The following SLC22A24 variants were observed in gnomAD, a reference collection of about 807,000 sequenced individuals.
SLC22A24 encodes steroid transmembrane transporter SLC22A24.
SLC22A24 carries 53 observed loss-of-function variants against 49.8 expected under a neutral mutation model. The observed-to-expected ratio is 1.06, with a 90% CI of 0.85 to 1.34. The LOEUF is 1.34. SLC22A24 is among the 40% of genes most tolerant of loss of function. The probability of loss-of-function intolerance (pLI) is 0.00; values close to 1 mark genes in which losing one functional copy is unlikely to be tolerated. For missense variants in SLC22A24, 786 were observed against 675.9 expected, an observed-to-expected ratio of 1.16 and a Z score of -1.81; for synonymous variants, 302 against 256.4, an observed-to-expected ratio of 1.18 and a Z score of -1.70.
In SLC22A24 at chr11:63,133,489, A is replaced by G. The variant is rs1241123958; in HGVS notation, c.506+1176T>C. Among the ~76,000 whole-genome samples, 4 of 152,178 alleles carry G rather than the reference A, an allele frequency of 2.6e-5. No homozygotes were observed. In the East Asian group the frequency reaches 5.8e-4, roughly 22 times the overall value. ...ATTTTTAAATAAAGACTGTCAGATG[A>G]CATTGAGCATCTAAACTCTCCTCAG... is the stretch of plus-strand genomic sequence containing the variant. On this transcript the variant is annotated intron_variant, in intron 2 of 9. Coordinates refer to ENST00000612278, the MANE Select transcript of SLC22A24 (RefSeq NM_001136506.2).
chr11:63,085,704 C>A (rs2086983372), intron 6 of SLC22A24, among the ~76,000 whole-genome samples: 1 of 152,156 alleles, frequency 6.6e-6, no homozygotes, highest in South Asian at 2.1e-4. Flanking sequence ...AACACATAGC[C>A]CAGTGCCTTC....
chr11:63,085,377 A>G (rs2086981526), intron 6 of SLC22A24, among the ~76,000 whole-genome samples: 1 of 152,144 alleles, frequency 6.6e-6, no homozygotes, highest in African/African-American at 2.4e-5. Flanking sequence ...GTCTTTCTTA[A>G]TGTGGGTAAT....
At chr11:63,135,013 A>G (rs1221507149) in intron 1 of SLC22A24, among the ~76,000 whole-genome samples, 1 of 152,144 alleles carries the variant, frequency 6.6e-6, no homozygotes, top group Non-Finnish European at 1.5e-5. Flanking sequence ...ATATATATCC[A>G]CATGTCTACA....
At chr11:63,120,874 AG>A (rs1289701599) in intron 2 of SLC22A24, among the ~76,000 whole-genome samples, 1 of 152,190 alleles carries the variant, frequency 6.6e-6, no homozygotes, top group East Asian at 1.9e-4. Context: ...CTTTAAAAAA[AG>A]ATCTATGATA....
rs1030834066 is a variant in SLC22A24 at position 63,101,307 on chromosome 11, G to GT, written c.954+2867dup. On this transcript the variant is annotated intron_variant, in intron 5 of 9. Transcript: ENST00000612278. Reference sequence around the variant, plus strand: ...ATATGATCCAGCAATGTTACTACTTGTTTTTTTTTTAAATTACACTAGGTA... The same window carrying GT: ...ATATGATCCAGCAATGTTACTACTTGTTTTTTTTTTTAAATTACACTAGGTA... 2.0e-3 allele frequency among the ~76,000 whole-genome samples: 295 copies of GT among 148,378 alleles called. 2 individuals are homozygous for GT. The East Asian group carries it at 0.029, about 15-fold the overall frequency.
At chr11:63,103,841 A>G (rs1388803191) in intron 5 of SLC22A24, among the ~76,000 whole-genome samples, 1 of 152,198 alleles carries the variant, frequency 6.6e-6, no homozygotes, top group Non-Finnish European at 1.5e-5. Flanking sequence ...AATTTATTTT[A>G]TTGGCTTTCT....
chr11:63,140,015 CT>C (rs1287986745), intron 1 of SLC22A24, among the ~76,000 whole-genome samples: 3 of 149,508 alleles, frequency 2.0e-5, no homozygotes, highest in Non-Finnish European at 4.4e-5. Flanking sequence ...ACTTTAATGA[CT>C]TTTTGTTCAC....
intron 6 of SLC22A24, among the ~76,000 whole-genome samples, chr11:63,095,087 T>A (rs1394396480): frequency 6.6e-6 from 1 of 152,202 alleles, no homozygotes; most frequent in African/African-American, 2.4e-5. Context: ...AATGCCTAGG[T>A]TTTCTTCTAG....
intron 2 of SLC22A24, among the ~76,000 whole-genome samples, chr11:63,133,567 A>C: frequency 6.6e-6 from 1 of 152,170 alleles, no homozygotes; most frequent in Non-Finnish European, 1.5e-5. Context: ...TGCCTCCTTC[A>C]GAAGGAGCTC....
At position 63,097,507 on chromosome 11, in the gene SLC22A24, G is replaced by T. The variant is rs182112390; in HGVS notation, c.955-1401C>A. On this transcript the variant is annotated intron_variant, in intron 5 of 9. Coordinates refer to ENST00000612278, the MANE Select transcript of SLC22A24 (RefSeq NM_001136506.2). ...ATTAGGTCAATCATTGTGGAAGATC[G>T]TGTGGCAACTCCTCAAGGATCTAGA... is the stretch of plus-strand genomic sequence containing the variant. 2.6e-5 allele frequency among the ~76,000 whole-genome samples: 4 copies of T among 152,294 alleles called. No homozygotes were observed. The East Asian group carries it at 7.7e-4, about 29-fold the overall frequency.
Position 63,080,938 on chromosome 11 carries a change from A to G in SLC22A24, c.1580T>C (p.Ile527Thr), listed in dbSNP as rs768845912. 4 of 1,551,888 alleles carry G rather than the reference A, an allele frequency of 2.6e-6. No individual in the cohort carries two copies. Among genetic ancestry groups the G allele is most frequent in the Non-Finnish European group, 3.5e-6 (4 of 1,147,232 alleles). The part of the protein sequence containing the change: ...ETRDLPLPNT[I>T]QDVENDRKDS... Reference sequence around the variant, plus strand: ...TACTCACTCATTTTCCACATCCTGGATGGTGTTAGGAAGAGGTAGATCCCT... The same window carrying G: ...TACTCACTCATTTTCCACATCCTGGGTGGTGTTAGGAAGAGGTAGATCCCT... Residue 527 changes from isoleucine (I) to threonine (T), a missense_variant, in exon 9 of 10, where the codon ATC (isoleucine) becomes ACC (threonine). Coordinates refer to ENST00000612278, the MANE Select transcript of SLC22A24 (RefSeq NM_001136506.2).
intron 6 of SLC22A24, among the ~76,000 whole-genome samples, chr11:63,084,176 C>G (rs1222835389): frequency 6.6e-6 from 1 of 152,188 alleles, no homozygotes; most frequent in Non-Finnish European, 1.5e-5. Flanking sequence ...TGCAAGGGCA[C>G]TGTAGGCAAG....
chr11:63,107,802 G>A (rs1221157642), intron 4 of SLC22A24, among the ~76,000 whole-genome samples: 2 of 152,156 alleles, frequency 1.3e-5, no homozygotes, highest in African/African-American at 4.8e-5. Flanking sequence ...AGACTTTGCT[G>A]AAGTTGCTTA....
At chr11:63,106,241 G>C (rs915878553) in intron 4 of SLC22A24, among the ~76,000 whole-genome samples, 3 of 151,840 alleles carry the variant, frequency 2.0e-5, no homozygotes, top group African/African-American at 7.3e-5. Flanking sequence ...TTTCATCCAC[G>C]TCCATACAAA....
intron 2 of SLC22A24, among the ~76,000 whole-genome samples, chr11:63,122,693 T>C (rs2087260484): frequency 6.6e-6 from 1 of 152,042 alleles, no homozygotes; most frequent in Non-Finnish European, 1.5e-5. Flanking sequence ...TTTTTTATTT[T>C]GTATTTTTAG....
intron 2 of SLC22A24, among the ~76,000 whole-genome samples, chr11:63,131,438 G>A (rs1325316487): frequency 2.0e-5 from 3 of 152,088 alleles, no homozygotes; most frequent in East Asian, 3.8e-4. Context: ...TCCATGTTTA[G>A]TGCTTCCTTC....
At chr11:63,085,381 G>A (rs1373094436) in intron 6 of SLC22A24, among the ~76,000 whole-genome samples, 1 of 152,038 alleles carries the variant, frequency 6.6e-6, no homozygotes, top group South Asian at 2.1e-4. Flanking sequence ...TTCTTAATGT[G>A]GGTAATGAGG....
intron 2 of SLC22A24, among the ~76,000 whole-genome samples, chr11:63,129,135 C>T (rs1007351811): frequency 2.0e-5 from 3 of 152,132 alleles, no homozygotes; most frequent in Middle Eastern, 3.2e-3. Flanking sequence ...TTTAATCCAT[C>T]TTGAGTTAAT....
At chr11:63,090,080 C>CAAAAAAAAAAAAA (rs60285946) in intron 6 of SLC22A24, among the ~76,000 whole-genome samples, 9 of 64,690 alleles carry the variant, frequency 1.4e-4, no homozygotes, top group Non-Finnish European at 2.4e-4. Flanking sequence ...GACTCTGTCT[C>CAAAAAAAAAAAAA]AAAAAAAAAA....
Sources: gnomAD v4.1 joint callset for allele counts (sites outside exome capture counted in the v4.1 genomes callset) on GRCh38, gnomAD v4.1.1 for gene constraint, MANE v1.5 for transcripts, NCBI Gene and HGNC (gene_info 2026-07-23, HGNC 2026-07-21) for gene names.